ATP10A: variants seen among roughly 807,000 people sequenced by gnomAD.
ATP10A encodes phospholipid-transporting ATPase VA.
Under a neutral mutation model 147.8 loss-of-function variants are expected in ATP10A, and 111 were observed. The ratio of observed to expected loss-of-function variants is 0.75; its 90% CI spans 0.64 to 0.88. The LOEUF is 0.88. ATP10A is among the 40% of genes least tolerant of loss of function. The probability of loss-of-function intolerance (pLI) is 0.00; values close to 1 mark genes in which losing one functional copy is unlikely to be tolerated. For synonymous variants in ATP10A, 875 were observed against 841.6 expected (o/e 1.04, Z -0.69); for missense variants, 1,927 against 1,959.0 (o/e 0.98, Z 0.31).
intron 1 of ATP10A, among the ~76,000 whole-genome samples, chr15:25,783,231 TA>T (rs1444897383): frequency 6.6e-6 from 1 of 152,102 alleles, no homozygotes; most frequent in African/African-American, 2.4e-5. Context: ...TAAAAAGCAC[TA>T]AAACACATTT....
rs138320664 is a variant in ATP10A at position 25,716,820 on chromosome 15, C to T, written c.1686G>A (p.Ser562=). The T allele has an allele frequency of 8.7e-6, 14 of 1,610,760 alleles. No homozygotes were observed. Among genetic ancestry groups the T allele is most frequent in the African/African-American group, 2.7e-5 (2 of 74,742 alleles). ...AATCAAAGACGTCAGACAGCTCAGG[C>T]GAGAGGTGGGCCAGCAGGTGCTCCT... is the stretch of plus-strand genomic sequence containing the variant. The part of the protein sequence containing the change: ...RHQEHLLAHL[S]PELSDVFDFF... Residue 562 remains serine, a synonymous_variant, in exon 9 of 21, where the codon TCG becomes TCA. Coordinates refer to ENST00000555815, the MANE Select transcript of ATP10A (RefSeq NM_024490.4).
chr15:25,779,265 G>A (rs542582065), intron 2 of ATP10A, among the ~76,000 whole-genome samples: 9 of 152,306 alleles, frequency 5.9e-5, no homozygotes, highest in Non-Finnish European at 1.0e-4. Context: ...CCACCCTCCA[G>A]TGCTTAAATT....
At position 25,846,523 on chromosome 15, in the gene ATP10A, C is replaced by G. The variant is rs1893030784; in HGVS notation, c.449+16125G>C. ...TGCCTCAACCTTCAGAACTGACATG[C>G]TCAGCGCAGAAGGGCCACCCCTGGG... On this transcript the variant is annotated intron_variant, in intron 1 of 20. Transcript: ENST00000555815. Among the ~76,000 whole-genome samples the G allele has an allele frequency of 2.0e-5, 3 of 152,146 alleles. No homozygotes were observed. In the South Asian group the frequency reaches 6.2e-4, roughly 31 times the overall value.
At chr15:25,856,835 T>C (rs1893538842) in intron 1 of ATP10A, among the ~76,000 whole-genome samples, 1 of 151,984 alleles carries the variant, frequency 6.6e-6, no homozygotes, top group Non-Finnish European at 1.5e-5. Context: ...CAGACCCTCC[T>C]ACCAATCCAC....
At chr15:25,839,301 TG>T (rs1443231055) in intron 1 of ATP10A, among the ~76,000 whole-genome samples, 2 of 152,208 alleles carry the variant, frequency 1.3e-5, no homozygotes, top group Non-Finnish European at 2.9e-5. Flanking sequence ...AAAGTACTTT[TG>T]GTATTTCCAG....
At chr15:25,729,786 G>A (rs1398434305) in intron 3 of ATP10A, among the ~76,000 whole-genome samples, 2 of 152,116 alleles carry the variant, frequency 1.3e-5, no homozygotes, top group Non-Finnish European at 2.9e-5. Context: ...CACACTCCCA[G>A]GCCCCCCACC....
chr15:25,860,250 T>C (rs986998808), intron 1 of ATP10A, among the ~76,000 whole-genome samples: 9 of 151,962 alleles, frequency 5.9e-5, no homozygotes, highest in African/African-American at 2.2e-4. Context: ...ACCCACTCTC[T>C]GCCCCACCTT....
intron 1 of ATP10A, among the ~76,000 whole-genome samples, chr15:25,834,527 A>G (rs1892508916): frequency 6.6e-6 from 1 of 152,224 alleles, no homozygotes; most frequent in Admixed American, 6.5e-5. Flanking sequence ...GAGAAAGTGG[A>G]ACCCTCGGAG....
At chr15:25,798,516 T>C (rs1424502121) in intron 1 of ATP10A, among the ~76,000 whole-genome samples, 1 of 152,098 alleles carries the variant, frequency 6.6e-6, no homozygotes, top group Non-Finnish European at 1.5e-5. Context: ...GGGTGACAGA[T>C]GTTGTGTGTA....
At chr15:25,672,270 TCA>T in the ATP10A span, among the ~76,000 whole-genome samples, 3 of 152,132 alleles carry the variant, frequency 2.0e-5, no homozygotes, top group Non-Finnish European at 4.4e-5. Flanking sequence ...CCTCCTTCAC[TCA>T]GTTTCCTGTC....
chr15:25,714,794 A>G (rs112802931), intron 9 of ATP10A, among the ~76,000 whole-genome samples: 4,460 of 152,284 alleles, frequency 0.029, 91 homozygotes, highest in Non-Finnish European at 0.041. Flanking sequence ...TTAACAAACC[A>G]TCAGTTTATA....
intron 2 of ATP10A, among the ~76,000 whole-genome samples, chr15:25,775,798 C>T (rs934618399): frequency 6.6e-6 from 1 of 152,258 alleles, no homozygotes; most frequent in Admixed American, 6.5e-5. Context: ...ACCTCTGGGA[C>T]GGCTCTTCCC....
chr15:25,834,181 T>C (rs974674465), intron 1 of ATP10A, among the ~76,000 whole-genome samples: 1 of 152,178 alleles, frequency 6.6e-6, no homozygotes, highest in African/African-American at 2.4e-5. Flanking sequence ...AAAATAATAA[T>C]TTAAAAAGTC....
chr15:25,786,676 A>C (rs868382288), intron 1 of ATP10A, among the ~76,000 whole-genome samples: 4 of 117,232 alleles, frequency 3.4e-5, no homozygotes, highest in Admixed American at 1.2e-4. Flanking sequence ...CTCAGGCTGG[A>C]GTGCAGTGGC....
At chr15:25,690,166 G>A (rs566389356) in intron 15 of ATP10A, among the ~76,000 whole-genome samples, 5 of 149,156 alleles carry the variant, frequency 3.4e-5, no homozygotes, top group South Asian at 4.3e-4. Flanking sequence ...TGATAAACAC[G>A]CACAATGGAA....
chr15:25,738,571 A>G (rs1307653561), intron 2 of ATP10A: 1 of 152,278 alleles, frequency 6.6e-6, no homozygotes, highest in East Asian at 1.9e-4. Flanking sequence ...AAGCAGGGTC[A>G]GTACTTGGAT....
At chr15:25,788,467 G>A (rs140749100) in intron 1 of ATP10A, among the ~76,000 whole-genome samples, 54 of 152,190 alleles carry the variant, frequency 3.5e-4, no homozygotes, top group Admixed American at 7.9e-4. Flanking sequence ...CCCGCTTCAC[G>A]CTCTTCTGGC....
chr15:25,795,368 G>T (rs1890626881), intron 1 of ATP10A, among the ~76,000 whole-genome samples: 1 of 152,122 alleles, frequency 6.6e-6, no homozygotes, highest in African/African-American at 2.4e-5. Flanking sequence ...CTAATGAATG[G>T]CGACCTTGGG....
intron 12 of ATP10A, among the ~76,000 whole-genome samples, chr15:25,707,435 T>G (rs1901100841): frequency 6.6e-6 from 1 of 152,210 alleles, no homozygotes; most frequent in African/African-American, 2.4e-5. Context: ...AATAGGAAAA[T>G]AAATATTTTA....
Sources: gnomAD v4.1 joint callset for allele counts (sites outside exome capture counted in the v4.1 genomes callset) on GRCh38, gnomAD v4.1.1 for gene constraint, MANE v1.5 for transcripts, NCBI Gene and HGNC (gene_info 2026-07-23, HGNC 2026-07-21) for gene names.